GALNT13: variants seen among roughly 807,000 people sequenced by gnomAD.
GALNT13 encodes the protein UDP-GalNAc:polypeptide N-acetylgalactosaminyltransferase 13.
GALNT13 carries 28 observed loss-of-function variants against 64.2 expected under a neutral mutation model. That is an observed-to-expected ratio of 0.44 (90% confidence interval 0.32 to 0.60). The LOEUF is 0.60. Among genes scored for constraint, GALNT13 ranks in the 20% least tolerant of loss-of-function variants. The pLI is 0.05. For synonymous variants in GALNT13, 214 were observed against 224.6 expected (o/e 0.95, Z 0.42); for missense variants, 577 against 669.8 (o/e 0.86, Z 1.53).
chr2:153,326,956 C>A, the GALNT13 span, among the ~76,000 whole-genome samples: 1 of 151,908 alleles, frequency 6.6e-6, no homozygotes, highest in African/African-American at 2.4e-5. Flanking sequence ...TGGTGGCATG[C>A]GCCTGTAATT....
the GALNT13 span, among the ~76,000 whole-genome samples, chr2:153,122,442 C>T: frequency 3.0e-3 from 454 of 152,278 alleles, 4 homozygotes; most frequent in African/African-American, 0.011. Context: ...GGTTCAGAGT[C>T]GATTTACAGT....
At chr2:153,937,437 C>T (rs1052182542) in intron 2 of GALNT13, among the ~76,000 whole-genome samples, 3 of 152,118 alleles carry the variant, frequency 2.0e-5, no homozygotes, top group Non-Finnish European at 4.4e-5. Context: ...TAGGAAAATT[C>T]ATAGCCAATA....
At chr2:153,395,521 C>G in the GALNT13 span, among the ~76,000 whole-genome samples, 11 of 152,124 alleles carry the variant, frequency 7.2e-5, no homozygotes, top group Admixed American at 5.9e-4. Flanking sequence ...TTTCCAGAAA[C>G]TCACTCTTGT....
At chr2:153,523,043 A>ATTT in the GALNT13 span, among the ~76,000 whole-genome samples, 10,002 of 83,092 alleles carry the variant, frequency 0.12, 1,121 homozygotes, top group African/African-American at 0.15. Flanking sequence ...TGTGTTTACT[A>ATTT]TTTTTTTTTT....
the GALNT13 span, among the ~76,000 whole-genome samples, chr2:153,408,915 C>G: frequency 6.6e-6 from 1 of 152,088 alleles, no homozygotes; most frequent in Non-Finnish European, 1.5e-5. Context: ...TGGACACCAT[C>G]CCCTTGGCTG....
At chr2:154,084,902 TTC>T (rs1701451812) in intron 3 of GALNT13, among the ~76,000 whole-genome samples, 1 of 151,996 alleles carries the variant, frequency 6.6e-6, no homozygotes, top group Admixed American at 6.6e-5. Flanking sequence ...AATTTCTATA[TTC>T]TCTTTCACTG....
the GALNT13 span, among the ~76,000 whole-genome samples, chr2:153,639,383 A>G: frequency 6.6e-6 from 1 of 152,320 alleles, no homozygotes; most frequent in South Asian, 2.1e-4. Flanking sequence ...CAAGGTTTCT[A>G]AGAATATAAT....
Position 154,301,570 on chromosome 2 carries a change from C to T in GALNT13, c.1137C>T (p.Phe379=), listed in dbSNP as rs146489445. The part of the protein sequence containing the change: ...AEVWMDEFKD[F]FYIISPGVVK... ...TTTGGATGGATGAATTTAAAGATTT[C>T]TTCTACATCATATCCCCAGGTACAC... The change falls in exon 9 of 13, where the codon TTC becomes TTT. Residue 379 remains phenylalanine (F), a synonymous_variant. Coordinates refer to ENST00000392825, the MANE Select transcript of GALNT13 (RefSeq NM_052917.4). The T allele has an allele frequency of 1.2e-4, 198 of 1,611,246 alleles. 1 individual carries two copies. In the African/African-American group the frequency reaches 2.4e-3, roughly 19 times the overall value.
the GALNT13 span, among the ~76,000 whole-genome samples, chr2:153,155,930 G>A: frequency 6.6e-6 from 1 of 152,072 alleles, no homozygotes. Flanking sequence ...CTGGTATGTT[G>A]TCTCTTTGTT....
the GALNT13 span, among the ~76,000 whole-genome samples, chr2:153,440,957 T>C: frequency 6.6e-6 from 1 of 152,224 alleles, no homozygotes; most frequent in Non-Finnish European, 1.5e-5. Context: ...TTTAATTAGA[T>C]CCCATTTGTC....
At chr2:153,964,442 C>G (rs904640765) in intron 3 of GALNT13, among the ~76,000 whole-genome samples, 1 of 152,142 alleles carries the variant, frequency 6.6e-6, no homozygotes, top group East Asian at 1.9e-4. Context: ...GAGCAAGACT[C>G]TGTCTCAAAG....
the GALNT13 span, among the ~76,000 whole-genome samples, chr2:153,260,876 C>T: frequency 1.3e-5 from 2 of 152,054 alleles, no homozygotes; most frequent in South Asian, 2.1e-4. Context: ...AGGTGAGCTT[C>T]ATTCTTTTTT....
chr2:154,091,147 T>G (rs1406040718), intron 3 of GALNT13, among the ~76,000 whole-genome samples: 1 of 152,032 alleles, frequency 6.6e-6, no homozygotes, highest in Non-Finnish European at 1.5e-5. Flanking sequence ...TGCTCAGATA[T>G]TTGATGAAGG....
At chr2:154,422,419 G>C (rs1397911200) in intron 11 of GALNT13, among the ~76,000 whole-genome samples, 1 of 151,994 alleles carries the variant, frequency 6.6e-6, no homozygotes, top group Non-Finnish European at 1.5e-5. Context: ...CCAATACAAA[G>C]CATGAAGCTA....
chr2:153,359,378 T>A, the GALNT13 span, among the ~76,000 whole-genome samples: 1 of 152,182 alleles, frequency 6.6e-6, no homozygotes, highest in Non-Finnish European at 1.5e-5. Context: ...CAAAGTGATT[T>A]ATATTTCATG....
intron 3 of GALNT13, among the ~76,000 whole-genome samples, chr2:153,997,415 TAGG>T (rs1158807164): frequency 1.3e-5 from 2 of 151,294 alleles, no homozygotes; most frequent in Non-Finnish European, 2.9e-5. Flanking sequence ...ACTTTATTCT[TAGG>T]GGGATATTTT....
chr2:153,656,329 TG>T, the GALNT13 span, among the ~76,000 whole-genome samples: 1 of 149,352 alleles, frequency 6.7e-6, no homozygotes, highest in Non-Finnish European at 1.5e-5. Flanking sequence ...TGTGTGTGTG[TG>T]TGTGTGTGTG....
chr2:153,103,986 T>C, the GALNT13 span, among the ~76,000 whole-genome samples: 1 of 152,196 alleles, frequency 6.6e-6, no homozygotes, highest in African/African-American at 2.4e-5. Flanking sequence ...TATTTCTATT[T>C]CCTACCTTCT....
the GALNT13 span, among the ~76,000 whole-genome samples, chr2:153,859,127 T>TG: frequency 1.3e-5 from 2 of 152,204 alleles, no homozygotes; most frequent in Non-Finnish European, 2.9e-5. Context: ...GGGAAGAGGG[T>TG]GTACTACTGT....
Sources: allele counts gnomAD v4.1 joint callset (sites outside exome capture counted in the v4.1 genomes callset), GRCh38; gene constraint gnomAD v4.1.1; transcripts MANE v1.5; gene names NCBI Gene and HGNC (gene_info 2026-07-23, HGNC 2026-07-21).